Variants in MACF1 observed in about 807,000 individuals in gnomAD.
The protein encoded by MACF1 is microtubule-actin cross-linking factor 1.
In MACF1, 193 loss-of-function variants were observed where a neutral mutation model predicts 854.8. The observed-to-expected ratio is 0.23, with a 90% CI of 0.20 to 0.25. The LOEUF is 0.25. Ranked by LOEUF, MACF1 falls within the 10% of genes least tolerant of loss-of-function variation. The pLI is 1.00. For synonymous variants in MACF1, 3,185 were observed against 3,226.7 expected, an observed-to-expected ratio of 0.99 and a Z score of 0.44; for missense variants, 7,722 against 8,929.1, an observed-to-expected ratio of 0.86 and a Z score of 5.45.
chr1:39,451,201 A>G lies in MACF1; in HGVS notation c.20408A>G (p.Asp6803Gly). The change falls in exon 85 of 101, where the codon GAT (aspartate) becomes GGT (glycine). Residue 6803 changes from aspartate to glycine, a missense_variant. Physicochemically the swap from Asp to Gly is moderately conservative, Grantham distance 94. This residue lies in a region of MACF1 where 729 missense variants were observed against 900.5 expected (regional missense o/e 0.81). Coordinates refer to ENST00000564288, the MANE Select transcript of MACF1 (RefSeq NM_001394062.1). ...GDLDLVMNLM[D>G]AHKVFQKELG... ...CTTGACCTCGTCATGAACCTCATGG[A>G]TGCACACAAGGTAGGGGTGAGGTCT... is the stretch of plus-strand genomic sequence containing the variant. 6.2e-7 allele frequency: 1 copy of G among 1,613,884 alleles called. No homozygotes were observed. Among genetic ancestry groups the G allele is most frequent in the Non-Finnish European group, 8.5e-7 (1 of 1,179,864 alleles).
rs762075732 is a variant in MACF1 at position 39,334,745 on chromosome 1, A to G, written c.8157A>G (p.Arg2719=). ...EEKLVDENMV[R]IIASHQVLNG... ...AACTGGTGGATGAAAACATGGTCAG[A>G]ATTATTGCATCTCATCAGGTGTTAA... Residue 2719 remains arginine, a synonymous_variant, in exon 37 of 101, where the codon AGA becomes AGG. Coordinates refer to ENST00000564288, the MANE Select transcript of MACF1 (RefSeq NM_001394062.1). The G allele has an allele frequency of 5.6e-6, 9 of 1,614,036 alleles. No homozygotes were observed. The East Asian group carries it at 2.0e-4, about 36-fold the overall frequency.
chr1:39,264,969 C>T (rs557993159), intron 6 of MACF1, among the ~76,000 whole-genome samples: 29 of 152,290 alleles, frequency 1.9e-4, no homozygotes, highest in African/African-American at 5.8e-4. Flanking sequence ...CCACCGCGCC[C>T]GGCCAGGATT....
intron 2 of MACF1, among the ~76,000 whole-genome samples, chr1:39,194,266 A>G (rs1282524644): frequency 4.0e-5 from 6 of 151,602 alleles, no homozygotes; most frequent in African/African-American, 1.5e-4. Flanking sequence ...AAGGCCATCT[A>G]GAGTTAGATC....
chr1:39,333,168 C>T lies in MACF1; in HGVS notation c.6580C>T (p.Pro2194Ser). The T allele has an allele frequency of 3.1e-6, 5 of 1,612,992 alleles. No homozygotes were observed. Among genetic ancestry groups the T allele is most frequent in the Non-Finnish European group, 4.2e-6 (5 of 1,179,828 alleles). ...TGAAACTGGAGGATCTCACATAAAA[C>T]CCCAAAGCAAAAAGTTACAAGTTCA... ...HDETGGSHIKPQSKKLQVQVK... is the reference protein window; with the variant it reads ...HDETGGSHIKSQSKKLQVQVK... Residue 2194 changes from proline (P) to serine (S), a missense_variant, in exon 37 of 101, where the codon CCC (proline) becomes TCC (serine). Physicochemically the swap from Pro to Ser is moderately conservative, Grantham distance 74 (BLOSUM62 -1). Coordinates refer to ENST00000564288, the MANE Select transcript of MACF1 (RefSeq NM_001394062.1).
intron 42 of MACF1, among the ~76,000 whole-genome samples, chr1:39,350,231 G>C (rs1189488295): frequency 2.0e-5 from 3 of 152,174 alleles, no homozygotes; most frequent in Non-Finnish European, 2.9e-5. Context: ...GAAGAGGTAG[G>C]AGGAGGAAGA....
At chr1:39,339,114 G>A (rs1296317756) in intron 38 of MACF1, among the ~76,000 whole-genome samples, 1 of 151,808 alleles carries the variant, frequency 6.6e-6, no homozygotes, top group Non-Finnish European at 1.5e-5. Context: ...AATTAGCCAA[G>A]CCTGGTGGTA....
At chr1:39,148,820 C>A (rs1441626950) in intron 2 of MACF1, among the ~76,000 whole-genome samples, 1 of 152,192 alleles carries the variant, frequency 6.6e-6, no homozygotes, top group Non-Finnish European at 1.5e-5. Flanking sequence ...AATGGAATTG[C>A]TGAGTCAAAA....
chr1:39,131,151 CT>C (rs34762038), intron 2 of MACF1, among the ~76,000 whole-genome samples: 19 of 42,380 alleles, frequency 4.5e-4, no homozygotes, highest in African/African-American at 1.7e-3. Context: ...TGCGCCCGGC[CT>C]TTTTTTTTTT....
At chr1:39,279,877 C>T (rs933249024) in intron 6 of MACF1, among the ~76,000 whole-genome samples, 103 of 152,108 alleles carry the variant, frequency 6.8e-4, no homozygotes, top group African/African-American at 2.5e-3. Context: ...TGTTTTTATA[C>T]TTTTTATTAT....
chr1:39,319,305 CA>C (rs1646469253), intron 30 of MACF1, among the ~76,000 whole-genome samples: 1 of 152,082 alleles, frequency 6.6e-6, no homozygotes, highest in African/African-American at 2.4e-5. Flanking sequence ...CACCTGGGGA[CA>C]TGTTAGGAAT....
chr1:39,463,736 G>T (rs778734275), intron 94 of MACF1, 50 bp downstream of exon 94: 1 of 1,528,890 alleles, frequency 6.5e-7, no homozygotes, highest in South Asian at 1.1e-5. Context: ...CTCATATGTG[G>T]CTGATCCCAC....
At chr1:39,227,951 C>T (rs1289734613) in intron 1 of MACF1, among the ~76,000 whole-genome samples, 1 of 152,176 alleles carries the variant, frequency 6.6e-6, no homozygotes, top group Non-Finnish European at 1.5e-5. Flanking sequence ...TAGGCTTAAC[C>T]TCTTATGTTC....
chr1:39,316,868 T>G (rs1314727564), intron 28 of MACF1, among the ~76,000 whole-genome samples: 1 of 152,210 alleles, frequency 6.6e-6, no homozygotes, highest in Non-Finnish European at 1.5e-5. Context: ...CTCTGTGAGG[T>G]GGACAAGAAG....
At chr1:39,244,984 A>T (rs1452934269) in intron 2 of MACF1, among the ~76,000 whole-genome samples, 1 of 152,176 alleles carries the variant, frequency 6.6e-6, no homozygotes, top group Non-Finnish European at 1.5e-5. Flanking sequence ...AAGTGATGGG[A>T]TTACAGGCAT....
chr1:39,218,745 T>G (rs1412201432), intron 1 of MACF1, among the ~76,000 whole-genome samples: 2 of 151,922 alleles, frequency 1.3e-5, no homozygotes, highest in African/African-American at 4.9e-5. Flanking sequence ...CATTATAATA[T>G]TAGGTTTTCC....
At position 39,428,150 on chromosome 1, in the gene MACF1, C is replaced by G; in HGVS notation, c.16666C>G (p.Leu5556Val). The G allele has an allele frequency of 6.2e-7, 1 of 1,614,212 alleles. No individual in the cohort carries two copies. Among genetic ancestry groups the G allele is most frequent in the African/African-American group, 1.3e-5 (1 of 75,042 alleles). The change falls in exon 63 of 101, where the codon CTG becomes GTG. Residue 5556 changes from leucine (L) to valine (V), a missense_variant. By Grantham distance (32) the Leu-to-Val change is conservative. This residue lies in a region of MACF1 where 2,807 missense variants were observed against 3,235.8 expected (regional missense o/e 0.87). Coordinates refer to ENST00000564288, the MANE Select transcript of MACF1 (RefSeq NM_001394062.1). ...CRKAALLDQALSNARLFGEDE... is the reference protein window; with the variant it reads ...CRKAALLDQAVSNARLFGEDE... ...GAAGGCAGCCCTACTTGACCAAGCT[C>G]TGTCTAATGCTAGGCTGTTTGGGGA... is the stretch of plus-strand genomic sequence containing the variant.
chr1:39,381,985 G>A lies in MACF1; in HGVS notation c.13681G>A (p.Val4561Met), dbSNP rs1650268374. The A allele has an allele frequency of 6.2e-7, 1 of 1,614,102 alleles. No homozygotes were observed. The highest frequency in any genetic ancestry group is 1.1e-5 in the South Asian group (1 of 91,084). ...ATGGGAAAGGGCCACTGAGGTTACT[G>A]TGGCTCGGCAAAGGCAGCTAGAGGA... ...SRWERATEVT[V>M]ARQRQLEESA... Residue 4561 changes from valine (V) to methionine (M), a missense_variant, in exon 56 of 101, where the codon GTG (valine) becomes ATG (methionine). Val to Met is a conservative substitution (Grantham distance 21, BLOSUM62 1). Coordinates refer to ENST00000564288, the MANE Select transcript of MACF1 (RefSeq NM_001394062.1).
rs57576149 is a variant in MACF1, at chr1:39,393,196, A to AAAT, written c.15816+4539_15816+4540insATA. Among the ~76,000 whole-genome samples the AAAT allele has an allele frequency of 2.9e-3, 191 of 66,572 alleles. 1 individual carries two copies. Among genetic ancestry groups the AAAT allele is most frequent in the Non-Finnish European group, 3.5e-3 (136 of 38,858 alleles). 43.7% of individuals were successfully genotyped at this position (66,572 alleles called of 152,430 possible). ...CTGGGAAGGGTAAAAAAAAAAAAAA[A>AAAT]ATATATATATATATATATATATATA... is the stretch of plus-strand genomic sequence containing the variant. On this transcript the variant is annotated intron_variant, in intron 58 of 100. Transcript: ENST00000564288.
At chr1:39,268,297 T>A (rs188395721) in intron 6 of MACF1, among the ~76,000 whole-genome samples, 25 of 152,264 alleles carry the variant, frequency 1.6e-4, no homozygotes, top group Admixed American at 1.4e-3. Flanking sequence ...TCCCTCCTCC[T>A]CCTGGCCCTC....
Sources: gnomAD v4.1 joint callset for allele counts (sites outside exome capture counted in the v4.1 genomes callset) on GRCh38, gnomAD v4.1.1 for gene constraint, gnomAD v4.1.1 regional missense constraint, MANE v1.5 for transcripts, NCBI Gene and HGNC (gene_info 2026-07-23, HGNC 2026-07-21) for gene names.